GHR: variants seen among roughly 807,000 people sequenced by gnomAD.
GHR encodes growth hormone receptor.
Under a neutral mutation model 67.1 loss-of-function variants are expected in GHR, and 35 were observed. That is an observed-to-expected ratio of 0.52 (90% CI 0.40 to 0.69). The LOEUF (loss-of-function observed/expected upper bound fraction) is 0.69, where lower values mean the gene tolerates loss of function less well. Ranked by LOEUF, GHR falls within the 30% of genes least tolerant of loss-of-function variation. The pLI, the probability that GHR is intolerant of heterozygous loss-of-function variation, is 0.00. For missense variants in GHR, 792 were observed against 764.6 expected (o/e 1.04, Z -0.42); for synonymous variants, 272 against 269.1 (o/e 1.01, Z -0.10).
At chr5:42,464,515 CCAAGT>C (rs1039337589) in intron 1 of GHR, among the ~76,000 whole-genome samples, 1 of 151,890 alleles carries the variant, frequency 6.6e-6, no homozygotes, top group Non-Finnish European at 1.5e-5. Flanking sequence ...AGAGAGTGGA[CCAAGT>C]CAAGAGGAAA....
chr5:42,551,308 A>G (rs1749019428), intron 1 of GHR, among the ~76,000 whole-genome samples: 1 of 152,214 alleles, frequency 6.6e-6, no homozygotes, highest in South Asian at 2.1e-4. Flanking sequence ...AAAAAAAACA[A>G]TGTAGGCACA....
At chr5:42,545,471 C>T (rs572607982) in intron 1 of GHR, among the ~76,000 whole-genome samples, 27 of 152,220 alleles carry the variant, frequency 1.8e-4, no homozygotes, top group Middle Eastern at 3.4e-3. Context: ...TTTTATACTA[C>T]ATTAGTACTT....
chr5:42,704,678 A>G (rs1191716092), intron 6 of GHR, among the ~76,000 whole-genome samples: 4 of 151,976 alleles, frequency 2.6e-5, no homozygotes, highest in Non-Finnish European at 5.9e-5. Flanking sequence ...CTTCTCTTTG[A>G]TGACAGACTT....
At chr5:42,591,623 TCTGTGAGGG>T in intron 2 of GHR, among the ~76,000 whole-genome samples, 1 of 152,066 alleles carries the variant, frequency 6.6e-6, no homozygotes, top group Non-Finnish European at 1.5e-5. Flanking sequence ...CAAAGTTCTC[TCTGTGAGGG>T]TCTACCTCCC....
chr5:42,623,276 G>T (rs1030893866), intron 2 of GHR, among the ~76,000 whole-genome samples: 2 of 152,150 alleles, frequency 1.3e-5, no homozygotes, highest in Non-Finnish European at 2.9e-5. Context: ...AAGGTTGAGT[G>T]TAAGTAGGGA....
chr5:42,501,235 T>C (rs758988981), intron 1 of GHR, among the ~76,000 whole-genome samples: 4 of 152,174 alleles, frequency 2.6e-5, no homozygotes, highest in African/African-American at 4.8e-5. Context: ...CTCCGGTAGG[T>C]TCAATCATAT....
chr5:42,632,409 T>G (rs888125765), intron 3 of GHR, among the ~76,000 whole-genome samples: 1 of 152,190 alleles, frequency 6.6e-6, no homozygotes, highest in Non-Finnish European at 1.5e-5. Context: ...GAGAGACACA[T>G]ATGGTCAAAC....
At chr5:42,469,870 A>G (rs1744918760) in intron 1 of GHR, among the ~76,000 whole-genome samples, 1 of 152,098 alleles carries the variant, frequency 6.6e-6, no homozygotes. Context: ...CTTTCTGTGA[A>G]GTTCCTAGGG....
intron 1 of GHR, among the ~76,000 whole-genome samples, chr5:42,447,033 A>T (rs1043788072): frequency 2.6e-5 from 4 of 152,258 alleles, no homozygotes; most frequent in African/African-American, 9.6e-5. Context: ...TGCAAGGGAA[A>T]TGAAGCTTTA....
intron 1 of GHR, among the ~76,000 whole-genome samples, chr5:42,512,168 A>C (rs1324760713): frequency 6.6e-6 from 1 of 152,202 alleles, no homozygotes; most frequent in Non-Finnish European, 1.5e-5. Context: ...AGGAGCAGGA[A>C]GATGGTAATG....
chr5:42,499,386 G>T (rs931883312), intron 1 of GHR, among the ~76,000 whole-genome samples: 3 of 152,158 alleles, frequency 2.0e-5, no homozygotes, highest in Admixed American at 6.5e-5. Flanking sequence ...TTCATTGATC[G>T]TCCACAAGCT....
At chr5:42,603,050 C>CA (rs1752456803) in intron 2 of GHR, among the ~76,000 whole-genome samples, 1 of 152,088 alleles carries the variant, frequency 6.6e-6, no homozygotes, top group African/African-American at 2.4e-5. Flanking sequence ...TAAACTCTCT[C>CA]AACTTTTGTT....
chr5:42,436,677 A>C (rs2111930379), intron 1 of GHR, among the ~76,000 whole-genome samples: 1 of 152,336 alleles, frequency 6.6e-6, no homozygotes, highest in East Asian at 1.9e-4. Context: ...TGATTGTATA[A>C]TGTGCCTGAG....
intron 1 of GHR, among the ~76,000 whole-genome samples, chr5:42,443,628 G>T (rs758569924): frequency 6.6e-6 from 1 of 152,114 alleles, no homozygotes; most frequent in Non-Finnish European, 1.5e-5. Context: ...GTGTGTGTGT[G>T]TGTAGATTTA....
intron 2 of GHR, among the ~76,000 whole-genome samples, chr5:42,617,747 C>T (rs925438466): frequency 2.6e-5 from 4 of 152,244 alleles, no homozygotes; most frequent in African/African-American, 9.6e-5. Context: ...CTGTGCAAGA[C>T]ATCTATGGCC....
At chr5:42,517,393 C>T (rs1747284765) in intron 1 of GHR, among the ~76,000 whole-genome samples, 1 of 152,138 alleles carries the variant, frequency 6.6e-6, no homozygotes, top group African/African-American at 2.4e-5. Flanking sequence ...TGACTATAAC[C>T]TCTGGGCCTA....
In GHR at chr5:42,682,392, A is replaced by G. The variant is rs577312468; in HGVS notation, c.137-6498A>G. Among the ~76,000 whole-genome samples the G allele has an allele frequency of 3.3e-5, 5 of 152,352 alleles. No individual in the cohort carries two copies. In the South Asian group the frequency reaches 8.3e-4, roughly 25 times the overall value. ...TGATTTTCTGTTCCTGGCTAATCAG[A>G]GAAGACCTAAGAGTCTATAGTAGTC... is the stretch of plus-strand genomic sequence containing the variant. On this transcript the variant is annotated intron_variant, in intron 3 of 9. Coordinates refer to ENST00000230882, the MANE Select transcript of GHR (RefSeq NM_000163.5).
chr5:42,567,835 T>C (rs567896108), intron 2 of GHR, among the ~76,000 whole-genome samples: 380 of 151,024 alleles, frequency 2.5e-3, no homozygotes, highest in Middle Eastern at 3.4e-3. Context: ...GCCACTTATC[T>C]AATGAATGGG....
chr5:42,579,175 GATAGA>G, intron 2 of GHR, among the ~76,000 whole-genome samples: 5 of 145,638 alleles, frequency 3.4e-5, no homozygotes, highest in African/African-American at 5.3e-5. Context: ...TAGATAGATA[GATAGA>G]TAGATAGATA....
Sources: gnomAD v4.1 joint callset for allele counts (sites outside exome capture counted in the v4.1 genomes callset) on GRCh38, gnomAD v4.1.1 for gene constraint, MANE v1.5 for transcripts, NCBI Gene and HGNC (gene_info 2026-07-23, HGNC 2026-07-21) for gene names.